CRIM1: variants seen among roughly 807,000 people sequenced by gnomAD.
The protein encoded by CRIM1 is cysteine rich transmembrane BMP regulator 1, also known as cysteine-rich motor neuron 1 protein.
Under a neutral mutation model 116.4 loss-of-function variants are expected in CRIM1, and 32 were observed. That is an observed-to-expected ratio of 0.27 (90% CI 0.21 to 0.37). CRIM1 has a LOEUF of 0.37. CRIM1 is among the 10% of genes least tolerant of loss of function. The pLI is 1.00. For synonymous variants in CRIM1, 590 were observed against 509.2 expected (o/e 1.16, Z -2.13); for missense variants, 1,331 against 1,354.8 (o/e 0.98, Z 0.28).
intron 2 of CRIM1, among the ~76,000 whole-genome samples, chr2:36,439,314 A>G (rs974892289): frequency 6.6e-6 from 1 of 152,066 alleles, no homozygotes; most frequent in Admixed American, 6.5e-5. Context: ...ACCTCCTCCC[A>G]CGTCTCCTTC....
chr2:36,411,642 GATT>G (rs1673212829), intron 2 of CRIM1, among the ~76,000 whole-genome samples: 1 of 143,604 alleles, frequency 7.0e-6, no homozygotes, highest in South Asian at 2.4e-4. Context: ...GCAACCATGT[GATT>G]ATTTTTATCT....
Position 36,441,339 on chromosome 2 carries a change from G to T in CRIM1, c.587G>T (p.Gly196Val). 1 of 1,614,186 alleles carries T rather than the reference G, an allele frequency of 6.2e-7. No individual in the cohort carries two copies. Among genetic ancestry groups the T allele is most frequent in the Non-Finnish European group, 8.5e-7 (1 of 1,180,026 alleles). Reference protein sequence around the residue: ...RCPEDSVLIEGYAPPGECCPL... With the variant: ...RCPEDSVLIEVYAPPGECCPL... ...CCTGAAGATTCTGTTCTGATCGAGGGTTATGCTCCTCCTGGGGAGTGCTGT... is the reference window on the plus strand; with the variant it reads ...CCTGAAGATTCTGTTCTGATCGAGGTTTATGCTCCTCCTGGGGAGTGCTGT... Residue 196 changes from glycine (G) to valine (V), a missense_variant, in exon 3 of 17, where the codon GGT (glycine) becomes GTT (valine). Gly to Val is a moderately radical substitution (Grantham distance 109). Coordinates refer to ENST00000280527, the MANE Select transcript of CRIM1 (RefSeq NM_016441.3).
In CRIM1 at chr2:36,517,540, C is replaced by T. The variant is rs1195274790; in HGVS notation, c.2204C>T (p.Thr735Ile). The change falls in exon 12 of 17, where the codon ACA becomes ATA. Residue 735 changes from threonine (T) to isoleucine (I), a missense_variant and splice_region_variant. Around this residue, in one of 3 missense-constraint regions of CRIM1, gnomAD observed 358 missense variants for 436.1 expected, o/e 0.82. Coordinates refer to ENST00000280527, the MANE Select transcript of CRIM1 (RefSeq NM_016441.3). The part of the protein sequence containing the change: ...RTQDSCCPQC[T>I]DQPFRPSLSR... ...CAGGATTCCTGCTGCCCACAGTGTA[C>T]AGGTAAGCGACACCATGCCTTGTGG... 6.2e-7 allele frequency: 1 copy of T among 1,609,564 alleles called. No homozygotes were observed. Among genetic ancestry groups the T allele is most frequent in the Non-Finnish European group, 8.5e-7 (1 of 1,176,664 alleles).
chr2:36,527,496 A>G (rs1283438403), intron 13 of CRIM1, among the ~76,000 whole-genome samples: 1 of 152,178 alleles, frequency 6.6e-6, no homozygotes, highest in Non-Finnish European at 1.5e-5. Flanking sequence ...TGGCTGTGAT[A>G]CTGTCACTGT....
chr2:36,522,473 T>C (rs1033721538), intron 13 of CRIM1, among the ~76,000 whole-genome samples, 160 bp downstream of exon 13: 3 of 152,116 alleles, frequency 2.0e-5, no homozygotes, highest in East Asian at 1.9e-4. Context: ...AAGAAAGATA[T>C]GGAAGATGTA....
At chr2:36,391,204 A>G (rs1416373975) in intron 1 of CRIM1, among the ~76,000 whole-genome samples, 1 of 132,188 alleles carries the variant, frequency 7.6e-6, no homozygotes, top group Non-Finnish European at 1.5e-5. Flanking sequence ...ATCTGGGCTC[A>G]CTGCAAGCTC....
At chr2:36,393,328 G>C (rs141947050) in intron 1 of CRIM1, among the ~76,000 whole-genome samples, 37 of 152,146 alleles carry the variant, frequency 2.4e-4, no homozygotes, top group African/African-American at 8.2e-4. Flanking sequence ...GTTTAAACAT[G>C]TTCTTTATAT....
chr2:36,393,709 A>T (rs1300025228), intron 1 of CRIM1, among the ~76,000 whole-genome samples: 1 of 152,146 alleles, frequency 6.6e-6, no homozygotes, highest in African/African-American at 2.4e-5. Flanking sequence ...TTGAAGGATG[A>T]GCAGGAGATA....
At chr2:36,363,387 C>T (rs76740498) in intron 1 of CRIM1, among the ~76,000 whole-genome samples, 10 of 152,038 alleles carry the variant, frequency 6.6e-5, no homozygotes, top group South Asian at 4.2e-4. Context: ...GGCTACTAAC[C>T]AGTATAAGTG....
intron 4 of CRIM1, among the ~76,000 whole-genome samples, chr2:36,450,802 C>T (rs958241707): frequency 5.9e-5 from 9 of 152,236 alleles, no homozygotes; most frequent in African/African-American, 2.2e-4. Flanking sequence ...CAAGCTGCTT[C>T]AATTTGAAAT....
At chr2:36,478,616 C>A (rs1679169475) in intron 6 of CRIM1, among the ~76,000 whole-genome samples, 1 of 152,206 alleles carries the variant, frequency 6.6e-6, no homozygotes, top group Non-Finnish European at 1.5e-5. Flanking sequence ...GACCTTCTAA[C>A]TGACTTTATT....
intron 2 of CRIM1, among the ~76,000 whole-genome samples, chr2:36,404,176 T>C (rs1672617771): frequency 1.3e-5 from 2 of 152,232 alleles, no homozygotes; most frequent in South Asian, 4.1e-4. Flanking sequence ...TTGCTACTGT[T>C]AGCCAAGTGA....
chr2:36,548,348 G>C (rs1409766583), intron 16 of CRIM1, among the ~76,000 whole-genome samples, 177 bp from the exon 17 acceptor site: 2 of 146,866 alleles, frequency 1.4e-5, no homozygotes, highest in Non-Finnish European at 3.0e-5. Flanking sequence ...GTTTGTCAGT[G>C]TCCCTCATAA....
rs1231332128 is a variant in CRIM1, at chr2:36,547,183, C to G, written c.2934+12C>G. 6.3e-6 allele frequency: 10 copies of G among 1,598,886 alleles called. No homozygotes were observed. The highest frequency in any genetic ancestry group is 3.4e-5 in the South Asian group (3 of 89,236). On this transcript the variant is annotated intron_variant, in intron 16 of 16. Transcript: ENST00000280527. The stretch of plus-strand genomic sequence containing the variant: ...GAACACCAACTAAGGTACTGTCTTG[C>G]AAAAGTTAGTCTCTTGAATGATGAA...
intron 4 of CRIM1, among the ~76,000 whole-genome samples, chr2:36,452,301 G>A (rs557194215): frequency 6.6e-6 from 1 of 152,110 alleles, no homozygotes; most frequent in African/African-American, 2.4e-5. Context: ...CCTGACTCCT[G>A]ACATACTATT....
intron 1 of CRIM1, among the ~76,000 whole-genome samples, chr2:36,370,377 A>G (rs1442675507): frequency 6.6e-6 from 1 of 152,136 alleles, no homozygotes; most frequent in African/African-American, 2.4e-5. Context: ...GCAGTAGATG[A>G]AATTATTTTC....
rs573090812 is a variant in CRIM1, at chr2:36,494,846, A to AT, written c.1373-4371dup. 1.1e-4 allele frequency among the ~76,000 whole-genome samples: 16 copies of AT among 152,280 alleles called. No individual in the cohort carries two copies. In the South Asian group the frequency reaches 3.1e-3, roughly 30 times the overall value. On this transcript the variant is annotated intron_variant, in intron 7 of 16. Transcript: ENST00000280527. ...TTCAAGCCTTCTTCCTTTGGAGGAC[A>AT]TTAAGGTATTTCTTTGATTCCTCAG...
At chr2:36,456,737 C>T (rs1397125355) in intron 4 of CRIM1, among the ~76,000 whole-genome samples, 1 of 152,156 alleles carries the variant, frequency 6.6e-6, no homozygotes, top group Non-Finnish European at 1.5e-5. Context: ...GGGCACGGGC[C>T]CTGCGATTAC....
rs1231926364 is a variant in CRIM1, at chr2:36,441,413, G to C, written c.661G>C (p.Val221Leu). The C allele has an allele frequency of 6.2e-7, 1 of 1,614,166 alleles. No homozygotes were observed. Reference protein sequence around the residue: ...VCNPAGCLRKVCQPGNLNILV... With the variant: ...VCNPAGCLRKLCQPGNLNILV... ...CAACCCCGCAGGCTGTCTGCGCAAAGTCTGCCAGCCGGGAAACCTGAACAT... is the reference window on the plus strand; with the variant it reads ...CAACCCCGCAGGCTGTCTGCGCAAACTCTGCCAGCCGGGAAACCTGAACAT... Residue 221 changes from valine (V) to leucine (L), a missense_variant, in exon 3 of 17, where the codon GTC (valine) becomes CTC (leucine). By Grantham distance (32) the Val-to-Leu change is conservative (BLOSUM62 1). Transcript: ENST00000280527.
Sources: allele counts gnomAD v4.1 joint callset (sites outside exome capture counted in the v4.1 genomes callset), GRCh38; gene constraint gnomAD v4.1.1; regional missense constraint gnomAD v4.1.1; transcripts MANE v1.5; gene names NCBI Gene and HGNC (gene_info 2026-07-23, HGNC 2026-07-21).